The following SNTB1 variants were observed in gnomAD, a reference collection of about 807,000 sequenced individuals.
SNTB1 encodes syntrophin beta 1, also known as beta-1-syntrophin.
SNTB1 carries 36 observed loss-of-function variants against 48.9 expected under a neutral mutation model. That is an observed-to-expected ratio of 0.74 (90% CI 0.56 to 0.97). The LOEUF is 0.97. Ranked by LOEUF, SNTB1 falls within the 50% of genes least tolerant of loss-of-function variation. SNTB1 has a pLI of 0.00. For synonymous variants in SNTB1, 299 were observed against 294.6 expected, an observed-to-expected ratio of 1.01 and a Z score of -0.15; for missense variants, 786 against 703.4, an observed-to-expected ratio of 1.12 and a Z score of -1.33.
At chr8:120,722,398 C>T (rs1332492104) in intron 1 of SNTB1, among the ~76,000 whole-genome samples, 2 of 152,190 alleles carry the variant, frequency 1.3e-5, no homozygotes, top group Non-Finnish European at 2.9e-5. Flanking sequence ...CACATCCTCT[C>T]CAGCACCTGT....
intron 3 of SNTB1, among the ~76,000 whole-genome samples, chr8:120,600,117 A>G (rs1479469144): frequency 6.6e-6 from 1 of 152,232 alleles, no homozygotes; most frequent in Non-Finnish European, 1.5e-5. Flanking sequence ...CCACAAATCC[A>G]TCAAGAAGTA....
intron 2 of SNTB1, among the ~76,000 whole-genome samples, chr8:120,683,093 G>A (rs1817963490): frequency 6.6e-6 from 1 of 152,018 alleles, no homozygotes; most frequent in Non-Finnish European, 1.5e-5. Flanking sequence ...GCGTTAGCCA[G>A]GATGGTCTCA....
At chr8:120,568,825 A>G (rs932867834) in intron 4 of SNTB1, among the ~76,000 whole-genome samples, 5 of 152,254 alleles carry the variant, frequency 3.3e-5, no homozygotes, top group Non-Finnish European at 5.9e-5. Flanking sequence ...TAGGGTTAAT[A>G]TCCACACAGA....
At chr8:120,563,588 C>A (rs1410572806) in intron 4 of SNTB1, among the ~76,000 whole-genome samples, 1 of 152,106 alleles carries the variant, frequency 6.6e-6, no homozygotes, top group Non-Finnish European at 1.5e-5. Context: ...AAATTTTCAT[C>A]CTCCAGAAAA....
At chr8:120,763,382 A>T (rs1300084395) in intron 1 of SNTB1, among the ~76,000 whole-genome samples, 1 of 152,194 alleles carries the variant, frequency 6.6e-6, no homozygotes, top group African/African-American at 2.4e-5. Flanking sequence ...AATTGTTAAA[A>T]TGTTCTTTCT....
At chr8:120,611,171 G>A (rs1385297569) in intron 3 of SNTB1, among the ~76,000 whole-genome samples, 2 of 152,184 alleles carry the variant, frequency 1.3e-5, no homozygotes, top group Non-Finnish European at 1.5e-5. Context: ...TAAACAGAGT[G>A]CATATGAAAT....
chr8:120,643,984 G>A (rs1281178145), intron 2 of SNTB1, among the ~76,000 whole-genome samples: 2 of 152,072 alleles, frequency 1.3e-5, no homozygotes, highest in Non-Finnish European at 2.9e-5. Flanking sequence ...TAGGATACAA[G>A]GAAGAGTACC....
chr8:120,563,419 C>T (rs139180786), intron 4 of SNTB1, among the ~76,000 whole-genome samples: 34 of 152,040 alleles, frequency 2.2e-4, no homozygotes, highest in Non-Finnish European at 3.5e-4. Context: ...ACTTCCTGAG[C>T]GCACTGCTAT....
At chr8:120,800,720 T>G (rs4571767) in intron 1 of SNTB1, among the ~76,000 whole-genome samples, 6,143 of 152,090 alleles carry the variant, frequency 0.04, 167 homozygotes, top group South Asian at 0.095. Flanking sequence ...AGAAAAAAAT[T>G]GGGATAAGTA....
At chr8:120,654,885 C>G in intron 2 of SNTB1, 1 of 428,722 alleles carries the variant, frequency 2.3e-6, no homozygotes, top group Non-Finnish European at 4.6e-6. Flanking sequence ...TGACCTTTCC[C>G]CTCCAAGTGA....
chr8:120,557,479 A>G (rs950642805), intron 4 of SNTB1, among the ~76,000 whole-genome samples: 1 of 152,218 alleles, frequency 6.6e-6, no homozygotes, highest in Admixed American at 6.5e-5. Context: ...GTTGTTGCTT[A>G]TGTATCAGAG....
chr8:120,596,579 A>T (rs572712143), intron 3 of SNTB1, among the ~76,000 whole-genome samples: 16 of 152,216 alleles, frequency 1.1e-4, no homozygotes, highest in African/African-American at 3.6e-4. Flanking sequence ...TGGCTCATTT[A>T]GGTTGTTGGC....
At chr8:120,628,014 C>T (rs1816912528) in intron 3 of SNTB1, among the ~76,000 whole-genome samples, 1 of 152,106 alleles carries the variant, frequency 6.6e-6, no homozygotes, top group Admixed American at 6.5e-5. Context: ...TCCAGTAACA[C>T]CATGGGGAGG....
chr8:120,758,079 C>T (rs987061150), intron 1 of SNTB1, among the ~76,000 whole-genome samples: 1 of 152,054 alleles, frequency 6.6e-6, no homozygotes, highest in Non-Finnish European at 1.5e-5. Context: ...ACATATTGGG[C>T]ACTTACTATG....
chr8:120,787,172 T>C (rs1055329981), intron 1 of SNTB1, among the ~76,000 whole-genome samples: 9 of 152,098 alleles, frequency 5.9e-5, no homozygotes, highest in Non-Finnish European at 1.3e-4. Flanking sequence ...GACAATAACC[T>C]ATAAACATTA....
chr8:120,559,118 C>T (rs1815613338), intron 4 of SNTB1, among the ~76,000 whole-genome samples: 1 of 152,202 alleles, frequency 6.6e-6, no homozygotes, highest in South Asian at 2.1e-4. Flanking sequence ...GGTTTATGTC[C>T]ACTACATGCT....
intron 2 of SNTB1, among the ~76,000 whole-genome samples, chr8:120,651,084 G>C (rs62526722): frequency 0.4 from 61,097 of 152,044 alleles, 13,350 homozygotes; most frequent in Non-Finnish European, 0.49. Flanking sequence ...TCATCTTGAT[G>C]AGTCTTCCTA....
At chr8:120,552,663 C>T (rs1210303290) in intron 4 of SNTB1, among the ~76,000 whole-genome samples, 1 of 152,122 alleles carries the variant, frequency 6.6e-6, no homozygotes, top group African/African-American at 2.4e-5. Context: ...TTTAGAGCAG[C>T]AGTGCCAATC....
intron 1 of SNTB1, among the ~76,000 whole-genome samples, chr8:120,758,274 G>A (rs12334422): frequency 0.099 from 15,047 of 152,136 alleles, 2,455 homozygotes; most frequent in African/African-American, 0.34. Flanking sequence ...TGTGTCACTT[G>A]CAAACCCAAG....
Sources: gnomAD v4.1 joint callset for allele counts (sites outside exome capture counted in the v4.1 genomes callset) on GRCh38, gnomAD v4.1.1 for gene constraint, MANE v1.5 for transcripts, NCBI Gene and HGNC (gene_info 2026-07-23, HGNC 2026-07-21) for gene names.